Variants in SLC9A9 observed in about 807,000 individuals in gnomAD.
SLC9A9 encodes the protein sodium/hydrogen exchanger 9.
SLC9A9 carries 62 observed loss-of-function variants against 77.8 expected under a neutral mutation model. The observed-to-expected ratio is 0.80, with a 90% confidence interval of 0.65 to 0.98. The LOEUF (loss-of-function observed/expected upper bound fraction) is 0.98. SLC9A9 is among the 50% of genes least tolerant of loss of function. The probability of loss-of-function intolerance (pLI) is 0.00; values close to 1 mark genes in which losing one functional copy is unlikely to be tolerated. For missense variants in SLC9A9, 775 were observed against 774.9 expected, an observed-to-expected ratio of 1.00 and a Z score of 0.00; for synonymous variants, 320 against 283.5, an observed-to-expected ratio of 1.13 and a Z score of -1.29.
intron 6 of SLC9A9, among the ~76,000 whole-genome samples, chr3:143,578,934 G>A (rs776202598): frequency 2.3e-4 from 35 of 152,118 alleles, no homozygotes; most frequent in Non-Finnish European, 4.6e-4. Flanking sequence ...TCTATATATT[G>A]CTGCCAGTCA....
chr3:143,809,407 G>A lies in SLC9A9; in HGVS notation c.379-12504C>T, dbSNP rs1026929698. Among the ~76,000 whole-genome samples, 14 of 152,236 alleles carry A rather than the reference G, an allele frequency of 9.2e-5. No individual in the cohort carries two copies. The South Asian group carries it at 2.9e-3, about 32-fold the overall frequency. ...ATTTGTGTATACAAAACAGATTTGT[G>A]TTCTTTTCAGACTTGCTGTAAGCTT... On this transcript the variant is annotated intron_variant, in intron 2 of 15. Transcript: ENST00000316549.
At chr3:143,735,335 T>C (rs1347556009) in intron 4 of SLC9A9, among the ~76,000 whole-genome samples, 1 of 152,208 alleles carries the variant, frequency 6.6e-6, no homozygotes, top group East Asian at 1.9e-4. Flanking sequence ...TGGGGAATTC[T>C]AGGAATTACT....
chr3:143,686,019 G>T (rs1285327877), intron 5 of SLC9A9, among the ~76,000 whole-genome samples: 3 of 152,196 alleles, frequency 2.0e-5, no homozygotes, highest in African/African-American at 7.2e-5. Context: ...CCAGCTATGT[G>T]CTAGAAATGC....
At chr3:143,651,117 A>C (rs1270032720) in intron 6 of SLC9A9, among the ~76,000 whole-genome samples, 3 of 152,230 alleles carry the variant, frequency 2.0e-5, no homozygotes, top group Non-Finnish European at 4.4e-5. Flanking sequence ...TTTTAATGCT[A>C]GTATTTCTTG....
chr3:143,400,320 A>G (rs1173325212), intron 12 of SLC9A9, among the ~76,000 whole-genome samples: 1 of 152,186 alleles, frequency 6.6e-6, no homozygotes, highest in Non-Finnish European at 1.5e-5. Context: ...TATGCTTACA[A>G]ATTAAAAGAT....
At chr3:143,418,822 AGC>A (rs753842596) in intron 12 of SLC9A9, among the ~76,000 whole-genome samples, 1 of 152,218 alleles carries the variant, frequency 6.6e-6, no homozygotes, top group African/African-American at 2.4e-5. Context: ...AACATCCAGC[AGC>A]CCAGGTGCTG....
intron 2 of SLC9A9, among the ~76,000 whole-genome samples, chr3:143,827,898 A>T (rs2009339773): frequency 1.3e-5 from 2 of 152,174 alleles, no homozygotes; most frequent in Admixed American, 6.5e-5. Flanking sequence ...GCTGAGCCGG[A>T]CTTCTTCCTC....
intron 6 of SLC9A9, among the ~76,000 whole-genome samples, chr3:143,633,930 T>C (rs912093875): frequency 1.3e-5 from 2 of 152,206 alleles, no homozygotes; most frequent in African/African-American, 4.8e-5. Flanking sequence ...GAATAGCCCA[T>C]TGCCCCACAC....
chr3:143,584,846 T>G (rs1464194490), intron 6 of SLC9A9, among the ~76,000 whole-genome samples: 2 of 152,196 alleles, frequency 1.3e-5, no homozygotes, highest in Non-Finnish European at 1.5e-5. Context: ...CAAAGGTGGA[T>G]TCCTGTTGTC....
At chr3:143,461,072 GA>G in intron 12 of SLC9A9, among the ~76,000 whole-genome samples, 1 of 152,218 alleles carries the variant, frequency 6.6e-6, no homozygotes, top group Non-Finnish European at 1.5e-5. Context: ...CAAATTTGCA[GA>G]AAATCACTAC....
chr3:143,775,864 T>C (rs1225994596), intron 4 of SLC9A9, among the ~76,000 whole-genome samples: 4 of 152,236 alleles, frequency 2.6e-5, no homozygotes, highest in Non-Finnish European at 5.9e-5. Flanking sequence ...GCAAAGAGAT[T>C]TTAACTTTGA....
At chr3:143,286,522 C>G (rs1327275385) in intron 14 of SLC9A9, among the ~76,000 whole-genome samples, 1 of 152,204 alleles carries the variant, frequency 6.6e-6, no homozygotes, top group African/African-American at 2.4e-5. Flanking sequence ...AGGCAGAGGC[C>G]AGGGTCTCCC....
chr3:143,276,168 C>T (rs1044741323), intron 14 of SLC9A9, among the ~76,000 whole-genome samples: 5 of 152,306 alleles, frequency 3.3e-5, no homozygotes, highest in South Asian at 4.1e-4. Context: ...GGGGCCTTGA[C>T]GACTCCAGCC....
chr3:143,725,324 G>T (rs1021268236), intron 4 of SLC9A9, among the ~76,000 whole-genome samples: 2 of 152,032 alleles, frequency 1.3e-5, no homozygotes, highest in African/African-American at 2.4e-5. Context: ...GGAAGTCAGT[G>T]TGGCGATTCC....
chr3:143,435,335 G>A (rs1417386158), intron 12 of SLC9A9, among the ~76,000 whole-genome samples: 3 of 152,162 alleles, frequency 2.0e-5, no homozygotes, highest in Admixed American at 6.5e-5. Flanking sequence ...GGCATTGGTC[G>A]ATAGTGAGAG....
intron 1 of SLC9A9, among the ~76,000 whole-genome samples, chr3:143,835,180 A>C (rs2009537745): frequency 6.6e-6 from 1 of 152,196 alleles, no homozygotes; most frequent in Non-Finnish European, 1.5e-5. Context: ...CTGTCCTGGC[A>C]TCCTCATGCT....
chr3:143,609,310 T>G (rs12636395), intron 6 of SLC9A9, among the ~76,000 whole-genome samples: 21,863 of 151,970 alleles, frequency 0.14, 1,841 homozygotes, highest in Middle Eastern at 0.18. Context: ...GCACTTGGAG[T>G]TGGTGAAGAC....
At chr3:143,707,973 C>T (rs1229633630) in intron 4 of SLC9A9, among the ~76,000 whole-genome samples, 1 of 152,160 alleles carries the variant, frequency 6.6e-6, no homozygotes, top group Non-Finnish European at 1.5e-5. Context: ...CTCACCCTTG[C>T]ATGTTTGGGT....
intron 11 of SLC9A9, among the ~76,000 whole-genome samples, chr3:143,491,408 G>A (rs937862193): frequency 6.6e-6 from 1 of 152,088 alleles, no homozygotes; most frequent in African/African-American, 2.4e-5. Flanking sequence ...CCACTGTAGT[G>A]CAAAAACAGC....
Sources: allele counts gnomAD v4.1 joint callset (sites outside exome capture counted in the v4.1 genomes callset), GRCh38; gene constraint gnomAD v4.1.1; transcripts MANE v1.5; gene names NCBI Gene and HGNC (gene_info 2026-07-23, HGNC 2026-07-21).